The following DPP10 variants were observed in gnomAD, a reference collection of about 807,000 sequenced individuals.
DPP10 encodes dipeptidyl peptidase like 10, also known as inactive dipeptidyl peptidase 10.
Under a neutral mutation model 120.9 loss-of-function variants are expected in DPP10, and 33 were observed. That is an observed-to-expected ratio of 0.27 (90% CI 0.21 to 0.37). The LOEUF (loss-of-function observed/expected upper bound fraction) is 0.37. DPP10 is among the 10% of genes least tolerant of loss of function. DPP10 has a pLI of 1.00. For missense variants in DPP10, 816 were observed against 942.8 expected, an observed-to-expected ratio of 0.87 and a Z score of 1.76; for synonymous variants, 337 against 326.1, an observed-to-expected ratio of 1.03 and a Z score of -0.36.
chr2:115,379,829 G>A (rs971052537), intron 3 of DPP10, among the ~76,000 whole-genome samples: 3 of 152,174 alleles, frequency 2.0e-5, no homozygotes, highest in Non-Finnish European at 2.9e-5. Context: ...TCATTCAGGA[G>A]CAGGTTCTTC....
In DPP10 at chr2:114,882,200, C is replaced by T. The variant is rs1027698043; in HGVS notation, c.61-427039C>T. ...AAAATAAGCCATTATATGAAAAAGA[C>T]ACACACATATGCTTATAGAAGCACA... On this transcript the variant is annotated intron_variant, in intron 1 of 25. Coordinates refer to ENST00000410059, the MANE Select transcript of DPP10 (RefSeq NM_020868.6). Among the ~76,000 whole-genome samples, 3 of 151,990 alleles carry T rather than the reference C, an allele frequency of 2.0e-5. No individual in the cohort carries two copies. In the South Asian group the frequency reaches 6.2e-4, roughly 32 times the overall value.
chr2:115,747,040 C>A (rs1678070485), intron 10 of DPP10, among the ~76,000 whole-genome samples: 1 of 152,056 alleles, frequency 6.6e-6, no homozygotes, highest in South Asian at 2.1e-4. Flanking sequence ...GTCATTTTCA[C>A]AGAGAGTGCA....
chr2:115,823,040 C>G (rs1026687120), intron 21 of DPP10, among the ~76,000 whole-genome samples: 4 of 152,010 alleles, frequency 2.6e-5, no homozygotes, highest in African/African-American at 4.8e-5. Flanking sequence ...GCATCATTAT[C>G]TGATATTTTA....
At chr2:115,151,140 C>T (rs906735786) in intron 1 of DPP10, among the ~76,000 whole-genome samples, 6 of 152,010 alleles carry the variant, frequency 3.9e-5, no homozygotes, top group Admixed American at 1.3e-4. Flanking sequence ...ATAAAACCTC[C>T]GGTCCATATT....
intron 3 of DPP10, among the ~76,000 whole-genome samples, chr2:115,480,663 A>G (rs542149103): frequency 6.6e-6 from 1 of 152,228 alleles, no homozygotes; most frequent in Non-Finnish European, 1.5e-5. Flanking sequence ...GGATCTGCAG[A>G]CTGTGGCTCT....
At chr2:114,924,442 G>A (rs1423117488) in intron 1 of DPP10, among the ~76,000 whole-genome samples, 1 of 151,676 alleles carries the variant, frequency 6.6e-6, no homozygotes, top group Admixed American at 6.6e-5. Context: ...CATGAGAATC[G>A]CTTGAACCTG....
At chr2:115,685,409 C>T (rs183736414) in intron 5 of DPP10, among the ~76,000 whole-genome samples, 2 of 152,038 alleles carry the variant, frequency 1.3e-5, no homozygotes, top group African/African-American at 4.8e-5. Flanking sequence ...CCTAATTGAA[C>T]CATGACCTAC....
At chr2:114,950,177 T>C (rs1267334009) in intron 1 of DPP10, among the ~76,000 whole-genome samples, 2 of 152,120 alleles carry the variant, frequency 1.3e-5, no homozygotes, top group African/African-American at 4.8e-5. Context: ...ACTCAGACAA[T>C]GTATTTCAGT....
chr2:115,422,531 T>A (rs555183847), intron 3 of DPP10, among the ~76,000 whole-genome samples: 1 of 152,328 alleles, frequency 6.6e-6, no homozygotes, highest in African/African-American at 2.4e-5. Flanking sequence ...TTGCAAATGA[T>A]GAAAGTTCTA....
intron 5 of DPP10, among the ~76,000 whole-genome samples, chr2:115,677,783 A>T (rs2090375127): frequency 6.6e-6 from 1 of 152,246 alleles, no homozygotes; most frequent in Non-Finnish European, 1.5e-5. Context: ...AAATATTGTT[A>T]GAACTAAGGG....
intron 1 of DPP10, among the ~76,000 whole-genome samples, chr2:114,561,640 G>T (rs1688774283): frequency 6.6e-6 from 1 of 151,460 alleles, no homozygotes; most frequent in Non-Finnish European, 1.5e-5. Context: ...CTAGTCATCA[G>T]TTGGGAGACA....
intron 5 of DPP10, among the ~76,000 whole-genome samples, chr2:115,618,239 CA>C (rs1184943293): frequency 6.6e-6 from 1 of 152,052 alleles, no homozygotes; most frequent in African/African-American, 2.4e-5. Flanking sequence ...TTTGAAAAAA[CA>C]TAAAACAGAT....
In DPP10 at chr2:114,989,667, A is replaced by C. The variant is rs577887599; in HGVS notation, c.61-319572A>C. 1.8e-4 allele frequency among the ~76,000 whole-genome samples: 27 copies of C among 152,332 alleles called. No homozygotes were observed. In the East Asian group the frequency reaches 4.4e-3, roughly 25 times the overall value. ...AACAAAGATAACTGAGAAAGAACAT[A>C]GAAGAAACTGGACTGGGGAGATTAC... On this transcript the variant is annotated intron_variant, in intron 1 of 25. Coordinates refer to ENST00000410059, the MANE Select transcript of DPP10 (RefSeq NM_020868.6).
intron 3 of DPP10, among the ~76,000 whole-genome samples, chr2:115,426,542 C>T (rs1443087317): frequency 1.2e-5 from 1 of 84,956 alleles, no homozygotes; most frequent in Non-Finnish European, 2.2e-5. Flanking sequence ...CCACCTCCGA[C>T]GCTGGAGATG....
chr2:115,813,197 G>C (rs72830504), intron 19 of DPP10, among the ~76,000 whole-genome samples: 13,223 of 146,612 alleles, frequency 0.09, 734 homozygotes, highest in South Asian at 0.14. Flanking sequence ...TAGCCAGGAT[G>C]GTCTCGATCT....
Position 114,898,242 on chromosome 2 carries a change from G to A in DPP10, c.61-410997G>A, listed in dbSNP as rs187556397. Among the ~76,000 whole-genome samples the A allele has an allele frequency of 7.9e-4, 120 of 151,660 alleles. 1 individual carries two copies. In the East Asian group the frequency reaches 0.022, roughly 27 times the overall value. On this transcript the variant is annotated intron_variant, in intron 1 of 25. Coordinates refer to ENST00000410059, the MANE Select transcript of DPP10 (RefSeq NM_020868.6). The stretch of plus-strand genomic sequence containing the variant: ...AAATCATCATTCTCAGCAAACTATC[G>A]CAAGGACAAAAAACCAAACACTGCA...
At chr2:115,370,593 A>C (rs1459521185) in intron 3 of DPP10, among the ~76,000 whole-genome samples, 1 of 152,142 alleles carries the variant, frequency 6.6e-6, no homozygotes, top group Non-Finnish European at 1.5e-5. Context: ...TTAAAATGGA[A>C]GGATAGTTTT....
Position 114,694,081 on chromosome 2 carries a change from A to G in DPP10, c.60+251243A>G, listed in dbSNP as rs1221412411. ...TCAAGAATGTTTCAGACAGTAGGGT[A>G]AGATAGAGATAAATCCTACAATTGC... On this transcript the variant is annotated intron_variant, in intron 1 of 25. Transcript: ENST00000410059. Among the ~76,000 whole-genome samples the G allele has an allele frequency of 2.6e-5, 4 of 152,010 alleles. No individual in the cohort carries two copies. In the East Asian group the frequency reaches 5.8e-4, roughly 22 times the overall value.
intron 21 of DPP10, among the ~76,000 whole-genome samples, chr2:115,825,786 A>G (rs918829934): frequency 4.6e-5 from 7 of 152,242 alleles, no homozygotes; most frequent in Middle Eastern, 3.2e-3. Flanking sequence ...TGGCTATGCC[A>G]TAAGACAAAA....
Sources: allele counts gnomAD v4.1 joint callset (sites outside exome capture counted in the v4.1 genomes callset), GRCh38; gene constraint gnomAD v4.1.1; transcripts MANE v1.5; gene names NCBI Gene and HGNC (gene_info 2026-07-23, HGNC 2026-07-21).